Variants in SARM1 observed in about 807,000 individuals in gnomAD.
SARM1 encodes NAD(+) hydrolase SARM1.
Under a neutral mutation model 65.1 loss-of-function variants are expected in SARM1, and 60 were observed. The ratio of observed to expected loss-of-function variants is 0.92; its 90% CI spans 0.75 to 1.14. SARM1 has a LOEUF of 1.14. Ranked by LOEUF, SARM1 falls within the 50% of genes most tolerant of loss-of-function variation. The probability of loss-of-function intolerance (pLI) is 0.00; values close to 1 mark genes in which losing one functional copy is unlikely to be tolerated. For synonymous variants in SARM1, 417 were observed against 465.4 expected (o/e 0.90, Z 1.34); for missense variants, 913 against 1,015.7 (o/e 0.90, Z 1.37).
In SARM1 at chr17:28,372,312, G is replaced by A. The variant is rs2067962319; in HGVS notation, c.280G>A (p.Glu94Lys). The A allele has an allele frequency of 1.4e-6, 2 of 1,443,586 alleles. No individual in the cohort carries two copies. The highest frequency in any genetic ancestry group is 3.0e-5 in the East Asian group (1 of 33,830). The allele number at this position is 1,443,586 out of a possible 1,614,324, so 89.4% of individuals were successfully genotyped here. Residue 94 changes from glutamate to lysine, a missense_variant, in exon 1 of 9, where the codon GAG (glutamate) becomes AAG (lysine). Glu to Lys is a moderately conservative substitution (Grantham distance 56). This residue lies in a region of SARM1 where 862 missense variants were observed against 952.1 expected (regional missense o/e 0.91). Transcript: ENST00000585482. This position sits in a 1 kb window ranked among gnomAD's most constrained non-coding sequence, Gnocchi z 5.2. The stretch of plus-strand genomic sequence containing the variant: ...GCGGGCCGTGGGCGCCGGCCTGGCC[G>A]AGGTCTTCCAACTGGTGGAGGAGGC... ...GARAVGAGLAEVFQLVEEAWL... is the reference protein window; with the variant it reads ...GARAVGAGLAKVFQLVEEAWL...
chr17:28,402,276 C>G lies in SARM1; in HGVS notation c.*5990C>G. ...TCTCACCAGCTTGGAGAGTTTAGCC[C>G]GGATGACAGGTGTGATGACTAATGA... On this transcript the variant is annotated 3_prime_UTR_variant, in exon 9 of 9. Coordinates refer to ENST00000585482, the MANE Select transcript of SARM1 (RefSeq NM_015077.4). 1 of 1,613,588 alleles carries G rather than the reference C, an allele frequency of 6.2e-7. No individual in the cohort carries two copies. Among genetic ancestry groups the G allele is most frequent in the Non-Finnish European group, 8.5e-7 (1 of 1,179,740 alleles).
At chr17:28,380,034 C>T (rs2068012764) in intron 1 of SARM1, among the ~76,000 whole-genome samples, 1 of 148,518 alleles carries the variant, frequency 6.7e-6, no homozygotes, top group South Asian at 2.1e-4. Flanking sequence ...TACATATAAA[C>T]CCCTCATTGA....
In SARM1 at chr17:28,397,094, A is replaced by G. The variant is rs1324961489; in HGVS notation, c.*808A>G. The G allele has an allele frequency of 6.5e-6, 1 of 152,926 alleles. No individual in the cohort carries two copies. The highest frequency in any genetic ancestry group is 2.4e-5 in the African/African-American group (1 of 41,468). 9.5% of individuals were successfully genotyped at this position (152,926 alleles called of 1,614,324 possible). The stretch of plus-strand genomic sequence containing the variant: ...CTCAGGCTCCTTCCTGGTCTGGCCC[A>G]GCTGGCTTCCCCAGCCCCTCAGCCA... On this transcript the variant is annotated 3_prime_UTR_variant, in exon 9 of 9. Coordinates refer to ENST00000585482, the MANE Select transcript of SARM1 (RefSeq NM_015077.4).
At position 28,384,691 on chromosome 17, in the gene SARM1, G is replaced by C. The variant is rs1025392174; in HGVS notation, c.1302+122G>C. On this transcript the variant is annotated intron_variant, in intron 3 of 8. Coordinates refer to ENST00000585482, the MANE Select transcript of SARM1 (RefSeq NM_015077.4). The surrounding 1 kb of genome is among the most constrained non-coding windows in gnomAD (Gnocchi z 4.4). ...GGTCGCTTTTGGGGGCGGGGAGCCTGTACGCAGCCACCGTTAGGGTCACTC... is the reference window on the plus strand; with the variant it reads ...GGTCGCTTTTGGGGGCGGGGAGCCTCTACGCAGCCACCGTTAGGGTCACTC... 8.1e-7 allele frequency: 1 copy of C among 1,232,984 alleles called. No individual in the cohort carries two copies. The highest frequency in any genetic ancestry group is 2.6e-5 in the East Asian group (1 of 39,156). 76.4% of individuals were successfully genotyped at this position (1,232,984 alleles called of 1,614,324 possible).
Position 28,385,274 on chromosome 17 carries a change from A to G in SARM1, c.1629A>G (p.Arg543=). The part of the protein sequence containing the change: ...VHRARILTAA[R]EMLHSPLPCT... ...GCGCCCGCATCCTCACGGCGGCCAG[A>G]GGTCAGCCCGCTCACCCGGGACCCC... Residue 543 remains arginine, a splice_region_variant and synonymous_variant, in exon 5 of 9, where the codon AGA becomes AGG. Transcript: ENST00000585482. This position sits in a 1 kb window ranked among gnomAD's most constrained non-coding sequence, Gnocchi z 4.5. The G allele has an allele frequency of 6.5e-7, 1 of 1,536,964 alleles. No individual in the cohort carries two copies. Among genetic ancestry groups the G allele is most frequent in the Non-Finnish European group, 8.7e-7 (1 of 1,146,876 alleles).
intron 7 of SARM1, among the ~76,000 whole-genome samples, chr17:28,393,649 G>C (rs2068093003): frequency 6.6e-6 from 1 of 152,122 alleles, no homozygotes; most frequent in African/African-American, 2.4e-5. Context: ...CTGTGTCAGA[G>C]ACTCAGTGCA....
In SARM1 at chr17:28,381,437, G is replaced by C; in HGVS notation, c.705G>C (p.Leu235=). Residue 235 remains leucine, a synonymous_variant, in exon 2 of 9, where the codon CTG becomes CTC. Coordinates refer to ENST00000585482, the MANE Select transcript of SARM1 (RefSeq NM_015077.4). The stretch of plus-strand genomic sequence containing the variant: ...CGCTGGCGCTGGGCAACTGCGCGCT[G>C]CACGGGGGCCAGGCGGTGCAGCGAC... ...HCALALGNCA[L]HGGQAVQRRM... is the part of the protein sequence containing the mutation. The C allele has an allele frequency of 6.5e-7, 1 of 1,546,178 alleles. No homozygotes were observed. The highest frequency in any genetic ancestry group is 8.7e-7 in the Non-Finnish European group (1 of 1,145,348).
Position 28,384,220 on chromosome 17 carries a change from C to A in SARM1, c.1090-137C>A. 1 of 648,610 alleles carries A rather than the reference C, an allele frequency of 1.5e-6. No homozygotes were observed. The highest frequency in any genetic ancestry group is 2.6e-6 in the Non-Finnish European group (1 of 389,316). 40.2% of individuals were successfully genotyped at this position (648,610 alleles called of 1,614,324 possible). On this transcript the variant is annotated intron_variant, in intron 2 of 8. Transcript: ENST00000585482. The surrounding 1 kb of genome is among the most constrained non-coding windows in gnomAD (Gnocchi z 4.4). ...AGGGGGAATCCGCAGGACCCCATGACTTAGTGGCTGAAGGTGGGGCCAGGG... is the reference window on the plus strand; with the variant it reads ...AGGGGGAATCCGCAGGACCCCATGAATTAGTGGCTGAAGGTGGGGCCAGGG...
chr17:28,399,520 C>T lies in SARM1; in HGVS notation c.*3234C>T. ...GGGGTGGTGCCTTGGTCTCTCTTGA[C>T]TACCTCGTCCAAAGAGAGCACTGCC... On this transcript the variant is annotated 3_prime_UTR_variant, in exon 9 of 9. Coordinates refer to ENST00000585482, the MANE Select transcript of SARM1 (RefSeq NM_015077.4). 1.2e-6 allele frequency: 1 copy of T among 849,654 alleles called. No individual in the cohort carries two copies. Among genetic ancestry groups the T allele is most frequent in the Non-Finnish European group, 1.9e-6 (1 of 529,088 alleles). The allele number at this position is 849,654 out of a possible 1,614,324, so 52.6% of individuals were successfully genotyped here. A position where few individuals can be genotyped will look rare whatever the true frequency, so the allele number is the denominator to read the frequency against.
chr17:28,400,234 C>T lies in SARM1; in HGVS notation c.*3948C>T, dbSNP rs1234408380. 3.8e-6 allele frequency: 1 copy of T among 261,370 alleles called. No homozygotes were observed. The highest frequency in any genetic ancestry group is 7.4e-6 in the Non-Finnish European group (1 of 134,828). 16.2% of individuals were successfully genotyped at this position (261,370 alleles called of 1,614,324 possible). A position where few individuals can be genotyped will look rare whatever the true frequency, so the allele number is the denominator to read the frequency against. On this transcript the variant is annotated 3_prime_UTR_variant, in exon 9 of 9. Coordinates refer to ENST00000585482, the MANE Select transcript of SARM1 (RefSeq NM_015077.4). ...TTAATATCATACAGGAAAAAGTCAG[C>T]GGGTCAAGCTAGCCTGTGGCCCAGC...
At position 28,400,048 on chromosome 17, in the gene SARM1, C is replaced by T. The variant is rs2068177145; in HGVS notation, c.*3762C>T. On this transcript the variant is annotated 3_prime_UTR_variant, in exon 9 of 9. Coordinates refer to ENST00000585482, the MANE Select transcript of SARM1 (RefSeq NM_015077.4). The stretch of plus-strand genomic sequence containing the variant: ...AGCTGGGACTACCAGTGCATACCAC[C>T]ATGCCTGGGTGATTTTTTAAATTTT... The T allele has an allele frequency of 6.4e-6, 2 of 310,778 alleles. No individual in the cohort carries two copies. The highest frequency in any genetic ancestry group is 1.2e-5 in the Non-Finnish European group (2 of 164,048). 19.3% of individuals were successfully genotyped at this position (310,778 alleles called of 1,614,324 possible). A position where few individuals can be genotyped will look rare whatever the true frequency, so the allele number is the denominator to read the frequency against.
At position 28,385,516 on chromosome 17, in the gene SARM1, G is replaced by C. The variant is rs1195694236; in HGVS notation, c.1630+241G>C. 1.8e-6 allele frequency: 1 copy of C among 543,838 alleles called. No individual in the cohort carries two copies. Among genetic ancestry groups the C allele is most frequent in the East Asian group, 3.2e-5 (1 of 31,570 alleles). The allele number at this position is 543,838 out of a possible 1,614,324, so 33.7% of individuals were successfully genotyped here. ...GGCTATTAAACAGGCAAGCGGCCCC[G>C]GCAGGAAGCTACCCAGGTCTCCAGT... On this transcript the variant is annotated intron_variant, in intron 5 of 8. Coordinates refer to ENST00000585482, the MANE Select transcript of SARM1 (RefSeq NM_015077.4). The surrounding 1 kb of genome is among the most constrained non-coding windows in gnomAD (Gnocchi z 4.5).
At position 28,402,140 on chromosome 17, in the gene SARM1, G is replaced by A; in HGVS notation, c.*5854G>A. The A allele has an allele frequency of 9.6e-7, 1 of 1,043,284 alleles. No homozygotes were observed. Among genetic ancestry groups the A allele is most frequent in the Non-Finnish European group, 1.4e-6 (1 of 718,268 alleles). 64.6% of individuals were successfully genotyped at this position (1,043,284 alleles called of 1,614,324 possible). On this transcript the variant is annotated 3_prime_UTR_variant, in exon 9 of 9. Coordinates refer to ENST00000585482, the MANE Select transcript of SARM1 (RefSeq NM_015077.4). Reference sequence around the variant, plus strand: ...CACTTACTTCTCCAGGGTGAGAGGGGGGAAGGCAAGCTGTTCCCCCAGCCA... The same window carrying A: ...CACTTACTTCTCCAGGGTGAGAGGGAGGAAGGCAAGCTGTTCCCCCAGCCA...
In SARM1 at chr17:28,400,913, G is replaced by A. The variant is rs376029377; in HGVS notation, c.*4627G>A. ...AGTAAATCCTGCTACATCATGTACT[G>A]TGACAAGGATTCAGTAAGGTCATAT... On this transcript the variant is annotated 3_prime_UTR_variant, in exon 9 of 9. Transcript: ENST00000585482. 6.7e-5 allele frequency: 50 copies of A among 743,980 alleles called. No individual in the cohort carries two copies. Among genetic ancestry groups the A allele is most frequent in the Non-Finnish European group, 1.1e-4 (46 of 429,634 alleles). The allele number at this position is 743,980 out of a possible 1,614,324, so 46.1% of individuals were successfully genotyped here.
intron 5 of SARM1, 98 bp from the exon 6 acceptor site, chr17:28,388,076 C>A: frequency 1.0e-6 from 1 of 963,406 alleles, no homozygotes; most frequent in South Asian, 1.4e-5. Context: ...GCTGAGAGGG[C>A]TTGGTGGACT....
Position 28,402,174 on chromosome 17 carries a change from C to A in SARM1, c.*5888C>A. On this transcript the variant is annotated 3_prime_UTR_variant, in exon 9 of 9. Transcript: ENST00000585482. ...AGCTGTTCCCCCAGCCATGGCTGCC[C>A]ATCAGCCCGTTTCGGGCAGCACTGG... The A allele has an allele frequency of 7.1e-7, 1 of 1,409,428 alleles. No individual in the cohort carries two copies. Among genetic ancestry groups the A allele is most frequent in the South Asian group, 1.3e-5 (1 of 75,866 alleles). The allele number at this position is 1,409,428 out of a possible 1,614,324, so 87.3% of individuals were successfully genotyped here. A position where few individuals can be genotyped will look rare whatever the true frequency, so the allele number is the denominator to read the frequency against.
Position 28,385,249 on chromosome 17 carries a change from G to A in SARM1, c.1604G>A (p.Arg535His). ...EDCGIHLGVHRARILTAAREM... is the reference protein window; with the variant it reads ...EDCGIHLGVHHARILTAAREM... Reference sequence around the variant, plus strand: ...TGCGGCATCCACCTGGGCGTGCACCGCGCCCGCATCCTCACGGCGGCCAGA... The same window carrying A: ...TGCGGCATCCACCTGGGCGTGCACCACGCCCGCATCCTCACGGCGGCCAGA... The change falls in exon 5 of 9, where the codon CGC (arginine) becomes CAC (histidine). Residue 535 changes from arginine to histidine, a missense_variant. By Grantham distance (29) the Arg-to-His change is conservative (BLOSUM62 0). Around this residue, in one of 3 missense-constraint regions of SARM1, gnomAD observed 862 missense variants for 952.1 expected, o/e 0.91. Transcript: ENST00000585482. This position sits in a 1 kb window ranked among gnomAD's most constrained non-coding sequence, Gnocchi z 4.5. The A allele has an allele frequency of 6.4e-7, 1 of 1,572,368 alleles. No individual in the cohort carries two copies. Among genetic ancestry groups the A allele is most frequent in the Non-Finnish European group, 8.6e-7 (1 of 1,165,140 alleles).
At position 28,397,603 on chromosome 17, in the gene SARM1, A is replaced by T. The variant is rs1386976999; in HGVS notation, c.*1317A>T. 1.3e-5 allele frequency: 2 copies of T among 152,202 alleles called. No homozygotes were observed. The highest frequency in any genetic ancestry group is 4.8e-5 in the African/African-American group (2 of 41,438). 9.4% of individuals were successfully genotyped at this position (152,202 alleles called of 1,614,324 possible). A position where few individuals can be genotyped will look rare whatever the true frequency, so the allele number is the denominator to read the frequency against. ...TGGCACCCAGTCCACTGGCAGTGGA[A>T]TTGCTTTCCTGAGAATCATTCTGAG... On this transcript the variant is annotated 3_prime_UTR_variant, in exon 9 of 9. Transcript: ENST00000585482.
chr17:28,393,941 G>A (rs541327622), intron 7 of SARM1, among the ~76,000 whole-genome samples: 41 of 152,326 alleles, frequency 2.7e-4, no homozygotes, highest in African/African-American at 9.9e-4. Flanking sequence ...GGCAGTGGGA[G>A]ACAACTGCCC....
Sources: allele counts gnomAD v4.1 joint callset (sites outside exome capture counted in the v4.1 genomes callset), GRCh38; gene constraint gnomAD v4.1.1; regional missense constraint gnomAD v4.1.1; non-coding constraint Gnocchi (gnomAD v3.1); transcripts MANE v1.5; gene names NCBI Gene and HGNC (gene_info 2026-07-23, HGNC 2026-07-21).